SLC38A11: variants seen among roughly 807,000 people sequenced by gnomAD.
The protein encoded by SLC38A11 is solute carrier family 38 member 11, also known as putative sodium-coupled neutral amino acid transporter 11.
SLC38A11 carries 51 observed loss-of-function variants against 49.4 expected under a neutral mutation model. That is an observed-to-expected ratio of 1.03 (90% CI 0.83 to 1.30). The LOEUF is 1.30. SLC38A11 is among the 50% of genes most tolerant of loss of function. The pLI, the probability that SLC38A11 is intolerant of heterozygous loss-of-function variation, is 0.00. For missense variants in SLC38A11, 574 were observed against 556.2 expected, an observed-to-expected ratio of 1.03 and a Z score of -0.32; for synonymous variants, 203 against 192.9, an observed-to-expected ratio of 1.05 and a Z score of -0.43.
In SLC38A11 at chr2:164,952,710, T is replaced by C. The variant is rs1574025475; in HGVS notation, c.226A>G (p.Thr76Ala). 1 of 1,605,016 alleles carries C rather than the reference T, an allele frequency of 6.2e-7. No individual in the cohort carries two copies. Among genetic ancestry groups the C allele is most frequent in the Non-Finnish European group, 8.5e-7 (1 of 1,173,074 alleles). ...AAGAAATTATATAGTATTTTACCTG[T>C]AACATATGAAACCCAGAATAAAAGC... ...ILLLFWVSYV[T>A]DFSLVLLIKG... Residue 76 changes from threonine (T) to alanine (A), a missense_variant, in exon 3 of 12, where the codon ACA becomes GCA. Thr to Ala is a moderately conservative substitution (Grantham distance 58, BLOSUM62 0). Coordinates refer to ENST00000685975, the MANE Select transcript of SLC38A11 (RefSeq NM_001351537.2).
intron 3 of SLC38A11, among the ~76,000 whole-genome samples, chr2:164,949,224 T>A (rs994222215): frequency 2.6e-5 from 4 of 151,800 alleles, no homozygotes; most frequent in Non-Finnish European, 5.9e-5. Flanking sequence ...CTAATAAATA[T>A]ATTTTTATTT....
At chr2:164,940,400 T>A (rs1200184941) in intron 5 of SLC38A11, among the ~76,000 whole-genome samples, 2 of 151,228 alleles carry the variant, frequency 1.3e-5, no homozygotes, top group Admixed American at 1.3e-4. Flanking sequence ...TCTATTTCAA[T>A]GAAGACGCTA....
intron 7 of SLC38A11, among the ~76,000 whole-genome samples, chr2:164,927,326 GTC>G (rs1686671250): frequency 6.6e-6 from 1 of 152,130 alleles, no homozygotes; most frequent in Admixed American, 6.6e-5. Flanking sequence ...AAATTACCCA[GTC>G]TGTGGTATTT....
intron 7 of SLC38A11, among the ~76,000 whole-genome samples, chr2:164,924,765 C>T (rs1410406037): frequency 6.6e-6 from 1 of 151,886 alleles, no homozygotes; most frequent in Non-Finnish European, 1.5e-5. Context: ...GATGGAGTCT[C>T]GCTCTGTCGC....
chr2:164,906,934 T>C (rs1238218094), intron 11 of SLC38A11, among the ~76,000 whole-genome samples: 1 of 152,164 alleles, frequency 6.6e-6, no homozygotes, highest in East Asian at 1.9e-4. Flanking sequence ...TACCTTCACC[T>C]ATGCCTCAAT....
Position 164,939,994 on chromosome 2 carries a change from G to GTT in SLC38A11, c.431-440_431-439dup, listed in dbSNP as rs10707733. On this transcript the variant is annotated intron_variant, in intron 5 of 11. Coordinates refer to ENST00000685975, the MANE Select transcript of SLC38A11 (RefSeq NM_001351537.2). ...ATAGGAGGATGATGCATTTTCTAAGGTTTTTTTTTTTTTTTTTCTATACGC... is the reference window on the plus strand; with the variant it reads ...ATAGGAGGATGATGCATTTTCTAAGGTTTTTTTTTTTTTTTTTTTCTATACGC... Among the ~76,000 whole-genome samples the GTT allele has an allele frequency of 1.1e-3, 151 of 137,272 alleles. 1 individual carries two copies. The highest frequency in any genetic ancestry group is 3.8e-3 in the African/African-American group (142 of 37,396). 90.1% of individuals were successfully genotyped at this position (137,272 alleles called of 152,430 possible).
intron 7 of SLC38A11, among the ~76,000 whole-genome samples, chr2:164,919,918 T>C (rs1015815614): frequency 2.0e-5 from 3 of 152,138 alleles, no homozygotes; most frequent in African/African-American, 7.2e-5. Flanking sequence ...AGGGTGTATG[T>C]TCCAAGATAT....
rs1177186471 is a variant in SLC38A11, at chr2:164,898,450, C to T, written c.1376G>A (p.Ser459Asn). 3 of 1,609,844 alleles carry T rather than the reference C, an allele frequency of 1.9e-6. No individual in the cohort carries two copies. Among genetic ancestry groups the T allele is most frequent in the Non-Finnish European group, 2.5e-6 (3 of 1,177,050 alleles). ...AAAGCAGTCAACTCATTGAAAGATA[C>T]TAATATTTAAAGTAGAAAGTTGTGT... ...QTTQLSTLNI[S>N]IFQ The change falls in exon 12 of 12, where the codon AGT becomes AAT. Residue 459 changes from serine (S) to asparagine (N), a missense_variant. By Grantham distance (46) the Ser-to-Asn change is conservative (BLOSUM62 1). Coordinates refer to ENST00000685975, the MANE Select transcript of SLC38A11 (RefSeq NM_001351537.2).
At chr2:164,915,640 G>A in intron 8 of SLC38A11, 1 of 445,732 alleles carries the variant, frequency 2.2e-6, no homozygotes, top group African/African-American at 1.9e-5. Flanking sequence ...CATAACACTT[G>A]CTAGCCTTCC....
intron 9 of SLC38A11, 39 bp downstream of exon 9, chr2:164,915,073 C>G: frequency 6.5e-7 from 1 of 1,548,670 alleles, no homozygotes; most frequent in East Asian, 2.3e-5. Context: ...ATACCTGTAC[C>G]AATGCACATG....
rs530289409 is a variant in SLC38A11, at chr2:164,917,093, A to G, written c.618-1120T>C. The stretch of plus-strand genomic sequence containing the variant: ...ATGTTATTATCCAGCATTATTAATA[A>G]AGGCAGCAAAAAGTCTAAAAGTATG... On this transcript the variant is annotated intron_variant, in intron 7 of 11. Coordinates refer to ENST00000685975, the MANE Select transcript of SLC38A11 (RefSeq NM_001351537.2). Among the ~76,000 whole-genome samples the G allele has an allele frequency of 5.3e-5, 8 of 152,318 alleles. No individual in the cohort carries two copies. The South Asian group carries it at 1.7e-3, about 32-fold the overall frequency.
At chr2:164,941,860 A>G (rs1687789985) in intron 5 of SLC38A11, among the ~76,000 whole-genome samples, 1 of 152,108 alleles carries the variant, frequency 6.6e-6, no homozygotes, top group Admixed American at 6.5e-5. Flanking sequence ...AGAAAGAAGC[A>G]TGTTATAGAA....
At chr2:164,933,888 G>T (rs1162932327) in intron 7 of SLC38A11, among the ~76,000 whole-genome samples, 1 of 152,100 alleles carries the variant, frequency 6.6e-6, no homozygotes, top group African/African-American at 2.4e-5. Context: ...ATAAAAGGTG[G>T]CACAGTATTA....
At position 164,894,786 on chromosome 2, in the gene SLC38A11, G is replaced by A. The variant is rs966000830; in HGVS notation, c.*3651C>T. ...TCCTCTTCTCACTGTGTCTCTAGAT[G>A]ATTTTTCAAAGAGGCAAAGGATAAC... On this transcript the variant is annotated 3_prime_UTR_variant, in exon 12 of 12. Coordinates refer to ENST00000685975, the MANE Select transcript of SLC38A11 (RefSeq NM_001351537.2). Among the ~76,000 whole-genome samples, 1 of 152,084 alleles carries A rather than the reference G, an allele frequency of 6.6e-6. No homozygotes were observed. Among genetic ancestry groups the A allele is most frequent in the African/African-American group, 2.4e-5 (1 of 41,402 alleles).
intron 7 of SLC38A11, among the ~76,000 whole-genome samples, chr2:164,920,741 A>G (rs1416686284): frequency 1.3e-5 from 2 of 152,110 alleles, no homozygotes; most frequent in African/African-American, 4.8e-5. Context: ...AGGAAAGAAA[A>G]CGGAAGATCT....
chr2:164,901,128 C>A (rs1387696199), intron 11 of SLC38A11, among the ~76,000 whole-genome samples: 1 of 151,956 alleles, frequency 6.6e-6, no homozygotes, highest in African/African-American at 2.4e-5. Flanking sequence ...GGATTTATTT[C>A]TTGGCTCTCT....
intron 9 of SLC38A11, among the ~76,000 whole-genome samples, chr2:164,912,804 A>G (rs1205121804): frequency 1.3e-5 from 2 of 152,064 alleles, no homozygotes; most frequent in African/African-American, 4.8e-5. Flanking sequence ...TCAACTGTCT[A>G]TGAAGAAATA....
Position 164,896,967 on chromosome 2 carries a change from C to T in SLC38A11, c.*1470G>A, listed in dbSNP as rs1171513020. 1 of 151,900 alleles carries T rather than the reference C, an allele frequency of 6.6e-6. No homozygotes were observed. The highest frequency in any genetic ancestry group is 2.4e-5 in the African/African-American group (1 of 41,372). 9.4% of individuals were successfully genotyped at this position (151,900 alleles called of 1,614,324 possible). ...ATTAACTCTGCTTGTGATAGTTTCT[C>T]GTTATTTGGCAACAATTAATATAGT... On this transcript the variant is annotated 3_prime_UTR_variant, in exon 12 of 12. Coordinates refer to ENST00000685975, the MANE Select transcript of SLC38A11 (RefSeq NM_001351537.2).
chr2:164,940,710 A>G (rs971464023), intron 5 of SLC38A11, among the ~76,000 whole-genome samples: 19 of 150,398 alleles, frequency 1.3e-4, no homozygotes, highest in African/African-American at 4.6e-4. Flanking sequence ...TTAGATTATT[A>G]GTATTTTCTA....
Sources: gnomAD v4.1 joint callset for allele counts (sites outside exome capture counted in the v4.1 genomes callset) on GRCh38, gnomAD v4.1.1 for gene constraint, MANE v1.5 for transcripts, NCBI Gene and HGNC (gene_info 2026-07-23, HGNC 2026-07-21) for gene names.